MGRN1: variants seen among roughly 807,000 people sequenced by gnomAD.
The protein encoded by MGRN1 is E3 ubiquitin-protein ligase MGRN1.
In MGRN1, 29 loss-of-function variants were observed where a neutral mutation model predicts 69.2. The observed-to-expected ratio is 0.42, with a 90% CI of 0.31 to 0.57. The LOEUF (loss-of-function observed/expected upper bound fraction) is 0.57, where lower values mean the gene tolerates loss of function less well. Among genes scored for constraint, MGRN1 ranks in the 20% least tolerant of loss-of-function variants. MGRN1 has a pLI of 0.15. For synonymous variants in MGRN1, 470 were observed against 344.2 expected, an observed-to-expected ratio of 1.37 and a Z score of -4.04; for missense variants, 998 against 796.2, an observed-to-expected ratio of 1.25 and a Z score of -3.05.
In MGRN1 at chr16:4,688,816, A is replaced by T. The variant is rs1024810821; in HGVS notation, c.1639A>T (p.Thr547Ser). ...YLPGRPTSME[T>S]AHGLATTSPT... ...TGCAGGACGGCCCACCTCCATGGAG[A>T]CGGCCCACGGCCTCGCCACCACCAG... The change falls in exon 17 of 17, where the codon ACG becomes TCG. Residue 547 changes from threonine to serine, a missense_variant. Thr to Ser is a moderately conservative substitution (Grantham distance 58, BLOSUM62 1). Coordinates refer to ENST00000262370, the MANE Select transcript of MGRN1 (RefSeq NM_015246.4). 1.9e-6 allele frequency: 3 copies of T among 1,551,492 alleles called. No homozygotes were observed. Among genetic ancestry groups the T allele is most frequent in the Non-Finnish European group, 2.6e-6 (3 of 1,147,112 alleles).
At chr16:4,641,112 C>T (rs2078146690) in intron 1 of MGRN1, among the ~76,000 whole-genome samples, 3 of 152,246 alleles carry the variant, frequency 2.0e-5, no homozygotes, top group Admixed American at 6.5e-5. Flanking sequence ...CCTCCACCCC[C>T]TTGGCAGCGC....
intron 8 of MGRN1, among the ~76,000 whole-genome samples, chr16:4,669,679 C>G (rs971510788): frequency 7.2e-5 from 11 of 152,152 alleles, no homozygotes; most frequent in African/African-American, 2.4e-4. Flanking sequence ...GTCTGCAACT[C>G]CTTCTCCTCT....
At chr16:4,668,368 C>T in intron 8 of MGRN1, 56 bp downstream of exon 8, 1 of 1,570,508 alleles carries the variant, frequency 6.4e-7, no homozygotes, top group Non-Finnish European at 8.8e-7. Flanking sequence ...CATATACAAT[C>T]ACTCACACGC....
At chr16:4,684,021 A>G (rs1158267088) in intron 16 of MGRN1, 89 bp downstream of exon 16, 1 of 1,147,496 alleles carries the variant, frequency 8.7e-7, no homozygotes, top group African/African-American at 1.5e-5. Context: ...GGTGCATAGC[A>G]GCAGAGGCTG....
intron 3 of MGRN1, 84 bp from the exon 4 acceptor site, chr16:4,652,594 G>A (rs533380157): frequency 1.0e-5 from 15 of 1,488,192 alleles, no homozygotes; most frequent in South Asian, 7.9e-5. Flanking sequence ...CCACCTCCAC[G>A]GCCCCTCAGC....
chr16:4,641,207 T>C (rs1408817417), intron 1 of MGRN1, among the ~76,000 whole-genome samples: 1 of 152,246 alleles, frequency 6.6e-6, no homozygotes, highest in African/African-American at 2.4e-5. Flanking sequence ...GTCATTCTTC[T>C]TGAGGCAAAG....
At chr16:4,683,556 C>CA (rs60937592) in intron 15 of MGRN1, among the ~76,000 whole-genome samples, 59 of 143,242 alleles carry the variant, frequency 4.1e-4, no homozygotes, top group South Asian at 3.6e-3. Context: ...TTTCTATGAC[C>CA]AAAAAAAAAA....
rs554799030 is a variant in MGRN1, at chr16:4,668,589, C to G, written c.726+277C>G. Among the ~76,000 whole-genome samples, 11 of 151,358 alleles carry G rather than the reference C, an allele frequency of 7.3e-5. No homozygotes were observed. In the South Asian group the frequency reaches 2.3e-3, roughly 32 times the overall value. ...CGCACACACTCATACAGACACGACA[C>G]TCATACACACATACACTCACACTCA... On this transcript the variant is annotated intron_variant, in intron 8 of 16. Coordinates refer to ENST00000262370, the MANE Select transcript of MGRN1 (RefSeq NM_015246.4).
Position 4,629,150 on chromosome 16 carries a change from A to ATATTTGTGTGTGTG in MGRN1, c.88+4103_88+4104insATTTGTGTGTGTGT, listed in dbSNP as rs1555445266. On this transcript the variant is annotated intron_variant, in intron 1 of 16. Coordinates refer to ENST00000262370, the MANE Select transcript of MGRN1 (RefSeq NM_015246.4). ...TGCACCTGGCCTGCTTTCTGTTCGTATGTGTGTGTGTGTGTGTGTGTGTGT... is the reference window on the plus strand; with the variant it reads ...TGCACCTGGCCTGCTTTCTGTTCGTATATTTGTGTGTGTGTGTGTGTGTGTGTGTGTGTGTGTGT... Among the ~76,000 whole-genome samples, 385 of 127,688 alleles carry ATATTTGTGTGTGTG rather than the reference A, an allele frequency of 3.0e-3. 1 individual carries two copies. Among genetic ancestry groups the ATATTTGTGTGTGTG allele is most frequent in the African/African-American group, 0.011 (368 of 32,742 alleles). 83.8% of individuals were successfully genotyped at this position (127,688 alleles called of 152,430 possible).
At chr16:4,635,242 T>A (rs1898220419) in intron 1 of MGRN1, among the ~76,000 whole-genome samples, 1 of 151,338 alleles carries the variant, frequency 6.6e-6, no homozygotes, top group African/African-American at 2.4e-5. Context: ...CAAAACCCTA[T>A]CTCTACTAAA....
intron 4 of MGRN1, 82 bp downstream of exon 4, chr16:4,652,906 G>C: frequency 6.9e-7 from 1 of 1,443,964 alleles, no homozygotes; most frequent in South Asian, 1.4e-5. Context: ...TTACTAACCA[G>C]AGGGAGAAAA....
intron 13 of MGRN1, 114 bp from the exon 14 acceptor site, chr16:4,682,709 G>T: frequency 1.6e-6 from 2 of 1,237,042 alleles, no homozygotes; most frequent in Non-Finnish European, 2.1e-6. Context: ...GTGTCCTTGC[G>T]TGGGTCCTGG....
intron 4 of MGRN1, among the ~76,000 whole-genome samples, chr16:4,653,606 A>T (rs1349086341): frequency 6.6e-6 from 1 of 152,116 alleles, no homozygotes; most frequent in East Asian, 1.9e-4. Flanking sequence ...CTCCTGCCTC[A>T]GCCTCCTGAG....
intron 1 of MGRN1, among the ~76,000 whole-genome samples, chr16:4,628,109 G>A (rs1482004974): frequency 1.4e-5 from 2 of 147,116 alleles, no homozygotes; most frequent in East Asian, 4.0e-4. Context: ...AATTGTGGGT[G>A]GGTGCGGTGG....
intron 9 of MGRN1, chr16:4,672,290 G>A: frequency 2.2e-6 from 1 of 453,170 alleles, no homozygotes; most frequent in Non-Finnish European, 4.4e-6. Flanking sequence ...CAAGTGATCT[G>A]CCTGCCTCAG....
At chr16:4,625,413 A>G (rs1622096) in intron 1 of MGRN1, among the ~76,000 whole-genome samples, 22,781 of 152,048 alleles carry the variant, frequency 0.15, 1,926 homozygotes, top group South Asian at 0.24. Flanking sequence ...GAAAACTCTC[A>G]TTGTCATCAG....
Position 4,681,542 on chromosome 16 carries a change from C to G in MGRN1, c.1132-8C>G. 3 of 1,609,108 alleles carry G rather than the reference C, an allele frequency of 1.9e-6. No homozygotes were observed. Among genetic ancestry groups the G allele is most frequent in the East Asian group, 4.5e-5 (2 of 44,776 alleles). On this transcript the variant is annotated splice_region_variant and splice_polypyrimidine_tract_variant and intron_variant, in intron 12 of 16. Transcript: ENST00000262370. ...GCATGAGCCCCCTCACGCACCCTGT[C>G]CCTACAGAACTCTGACAGCGTCCCA...
At chr16:4,657,407 T>G in intron 5 of MGRN1, 44 bp downstream of exon 5, 1 of 1,567,266 alleles carries the variant, frequency 6.4e-7, no homozygotes, top group Non-Finnish European at 8.8e-7. Context: ...TCCTCCTGAA[T>G]TCTCTCCCCT....
At chr16:4,648,368 C>G (rs1302837078) in intron 1 of MGRN1, among the ~76,000 whole-genome samples, 1 of 134,650 alleles carries the variant, frequency 7.4e-6, no homozygotes. Flanking sequence ...TCACCCGGCT[C>G]CTCCTCCCGG....
Sources: allele counts gnomAD v4.1 joint callset (sites outside exome capture counted in the v4.1 genomes callset), GRCh38; gene constraint gnomAD v4.1.1; transcripts MANE v1.5; gene names NCBI Gene and HGNC (gene_info 2026-07-23, HGNC 2026-07-21).